Variants in SYNM observed in about 807,000 individuals in gnomAD.
SYNM encodes the protein desmuslin.
Under a neutral mutation model 104.0 loss-of-function variants are expected in SYNM, and 95 were observed. The observed-to-expected ratio is 0.91, with a 90% confidence interval of 0.77 to 1.08. The LOEUF (loss-of-function observed/expected upper bound fraction) is 1.08, where lower values mean the gene tolerates loss of function less well. SYNM is among the 50% of genes least tolerant of loss of function. The pLI is 0.00. For synonymous variants in SYNM, 918 were observed against 869.0 expected, an observed-to-expected ratio of 1.06 and a Z score of -0.99; for missense variants, 2,150 against 2,052.2, an observed-to-expected ratio of 1.05 and a Z score of -0.92.
At position 99,129,845 on chromosome 15, in the gene SYNM, T is replaced by A; in HGVS notation, c.1485T>A (p.Ile495=). The change falls in exon 4 of 4, where the codon ATT becomes ATA. Residue 495 remains isoleucine, a synonymous_variant. Transcript: ENST00000336292. ...ESTRSNERTV[I]LGKKTEVKAT... is the part of the protein sequence containing the mutation. ...CACGGTCAAATGAGAGGACCGTCAT[T>A]CTGGGAAAGAAAACAGAAGTGAAAG... 1 of 1,613,388 alleles carries A rather than the reference T, an allele frequency of 6.2e-7. No homozygotes were observed. The highest frequency in any genetic ancestry group is 2.2e-5 in the East Asian group (1 of 44,862).
rs201246890 is a variant in SYNM at position 99,105,335 on chromosome 15, C to T, written c.136C>T (p.Arg46Trp). The T allele has an allele frequency of 4.7e-4, 730 of 1,540,014 alleles. 1 individual carries two copies. The highest frequency in any genetic ancestry group is 6.3e-4 in the Non-Finnish European group (716 of 1,145,574). The change falls in exon 1 of 4, where the codon CGG becomes TGG. Residue 46 changes from arginine to tryptophan, a missense_variant. By Grantham distance (101) the Arg-to-Trp change is moderately radical. Transcript: ENST00000336292. ...NLLLEEELRG[R>W]RGREGLWAEG... Reference sequence around the variant, plus strand: ...ACTCCTGGAGGAGGAGCTGCGCGGCCGGCGCGGGCGAGAGGGCCTGTGGGC... The same window carrying T: ...ACTCCTGGAGGAGGAGCTGCGCGGCTGGCGCGGGCGAGAGGGCCTGTGGGC...
Position 99,129,987 on chromosome 15 carries a change from A to G in SYNM, c.1627A>G (p.Thr543Ala). 1.2e-6 allele frequency: 2 copies of G among 1,612,632 alleles called. No homozygotes were observed. Among genetic ancestry groups the G allele is most frequent in the Non-Finnish European group, 1.7e-6 (2 of 1,179,234 alleles). ...GAGAAACCTAAGATGGGAAGAATTG[A>G]CAAAGTTAGATAAGGAAGCGAGACA... ...EERNLRWEEL[T>A]KLDKEARQRE... Residue 543 changes from threonine (T) to alanine (A), a missense_variant, in exon 4 of 4, where the codon ACA becomes GCA. Physicochemically the swap from Thr to Ala is moderately conservative, Grantham distance 58. Coordinates refer to ENST00000336292, the MANE Select transcript of SYNM (RefSeq NM_145728.3).
chr15:99,131,537 G>A lies in SYNM; in HGVS notation c.3177G>A (p.Pro1059=), dbSNP rs782570799. 2.7e-5 allele frequency: 43 copies of A among 1,608,210 alleles called. No homozygotes were observed. Among genetic ancestry groups the A allele is most frequent in the Non-Finnish European group, 3.3e-5 (39 of 1,179,692 alleles). ...SPDEEGGAEA[P]AAGIRFRRWA... ...ATGAGGAAGGTGGAGCGGAGGCCCC[G>A]GCTGCTGGCATTCGCTTTAGGCGTT... Residue 1059 remains proline (P), a synonymous_variant, in exon 4 of 4, where the codon CCG becomes CCA. Coordinates refer to ENST00000336292, the MANE Select transcript of SYNM (RefSeq NM_145728.3). The surrounding 1 kb of genome is among the most constrained non-coding windows in gnomAD (Gnocchi z 4.3).
Position 99,105,753 on chromosome 15 carries a change from A to G in SYNM, c.554A>G (p.Asp185Gly), listed in dbSNP as rs2067230943. Residue 185 changes from aspartate to glycine, a missense_variant, in exon 1 of 4, where the codon GAC (aspartate) becomes GGC (glycine). Asp to Gly is a moderately conservative substitution (Grantham distance 94). Coordinates refer to ENST00000336292, the MANE Select transcript of SYNM (RefSeq NM_145728.3). ...CCGCCACGCCTGCGGGAGGTGCACG[A>G]CAGCTACGCACTGCTGGTGGCCGAG... ...APPPRLREVH[D>G]SYALLVAESW... 6.5e-7 allele frequency: 1 copy of G among 1,532,068 alleles called. No individual in the cohort carries two copies. The highest frequency in any genetic ancestry group is 2.5e-5 in the East Asian group (1 of 39,272). 94.9% of individuals were successfully genotyped at this position (1,532,068 alleles called of 1,614,324 possible).
intron 2 of SYNM, among the ~76,000 whole-genome samples, chr15:99,124,322 A>G (rs1428564557): frequency 2.6e-5 from 4 of 152,248 alleles, no homozygotes; most frequent in African/African-American, 9.6e-5. Flanking sequence ...TTCGCCGTGT[A>G]GTCCTGGGGC....
At chr15:99,111,074 T>A (rs782210715) in intron 1 of SYNM, among the ~76,000 whole-genome samples, 4 of 152,262 alleles carry the variant, frequency 2.6e-5, no homozygotes, top group Non-Finnish European at 4.4e-5. Flanking sequence ...ACTGTACTTA[T>A]TCCAACTTCA....
intron 2 of SYNM, among the ~76,000 whole-genome samples, chr15:99,121,975 T>G (rs2067405847): frequency 6.6e-6 from 1 of 152,206 alleles, no homozygotes; most frequent in African/African-American, 2.4e-5. Flanking sequence ...TGTTCTAAAT[T>G]TCACCTGAAA....
chr15:99,133,047 C>G lies in SYNM; in HGVS notation c.4687C>G (p.His1563Asp). 1 of 1,613,406 alleles carries G rather than the reference C, an allele frequency of 6.2e-7. No individual in the cohort carries two copies. The highest frequency in any genetic ancestry group is 8.5e-7 in the Non-Finnish European group (1 of 1,179,872). ...LDNEEEENDGHWF is the reference protein window; with the variant it reads ...LDNEEEENDGDWF ...CAATGAGGAGGAGGAGAATGATGGG[C>G]ATTGGTTTTAATAAGCAGAAACATT... The change falls in exon 4 of 4, where the codon CAT (histidine) becomes GAT (aspartate). Residue 1563 changes from histidine to aspartate, a missense_variant. Coordinates refer to ENST00000336292, the MANE Select transcript of SYNM (RefSeq NM_145728.3).
chr15:99,132,786 A>G lies in SYNM; in HGVS notation c.4426A>G (p.Thr1476Ala), dbSNP rs371723962. Residue 1476 changes from threonine (T) to alanine (A), a missense_variant, in exon 4 of 4, where the codon ACA (threonine) becomes GCA (alanine). Physicochemically the swap from Thr to Ala is moderately conservative, Grantham distance 58. Transcript: ENST00000336292. ...VSNVEAIRSRTQEAGALGVSD... is the reference protein window; with the variant it reads ...VSNVEAIRSRAQEAGALGVSD... ...TAACGTAGAGGCGATCCGCAGCCGG[A>G]CACAGGAAGCGGGAGCTCTCGGTGT... is the stretch of plus-strand genomic sequence containing the variant. 3.1e-6 allele frequency: 5 copies of G among 1,613,846 alleles called. No individual in the cohort carries two copies. In the African/African-American group the frequency reaches 5.3e-5, roughly 17 times the overall value.
intron 1 of SYNM, among the ~76,000 whole-genome samples, chr15:99,112,008 C>A (rs1019709233): frequency 6.6e-6 from 1 of 152,260 alleles, no homozygotes; most frequent in Non-Finnish European, 1.5e-5. Context: ...GAGATTGTGC[C>A]ATTGCACTCC....
At position 99,120,264 on chromosome 15, in the gene SYNM, C is replaced by T. The variant is rs549637771; in HGVS notation, c.936-6458C>T. On this transcript the variant is annotated intron_variant, in intron 2 of 3. Transcript: ENST00000336292. ...TGATGGTGTGGACCTAGTCCCTGTC[C>T]TCAGTGGTAGGATGATGATGTGTCG... is the stretch of plus-strand genomic sequence containing the variant. Among the ~76,000 whole-genome samples the T allele has an allele frequency of 9.2e-5, 14 of 152,298 alleles. No individual in the cohort carries two copies. In the East Asian group the frequency reaches 2.3e-3, roughly 25 times the overall value.
Position 99,131,537 on chromosome 15 carries a change from G to C in SYNM, c.3177G>C (p.Pro1059=). ...SPDEEGGAEA[P]AAGIRFRRWA... is the part of the protein sequence containing the mutation. ...ATGAGGAAGGTGGAGCGGAGGCCCC[G>C]GCTGCTGGCATTCGCTTTAGGCGTT... Residue 1059 remains proline (P), a synonymous_variant, in exon 4 of 4, where the codon CCG becomes CCC. Coordinates refer to ENST00000336292, the MANE Select transcript of SYNM (RefSeq NM_145728.3). The surrounding 1 kb of genome is among the most constrained non-coding windows in gnomAD (Gnocchi z 4.3). The C allele has an allele frequency of 6.2e-7, 1 of 1,608,210 alleles. No homozygotes were observed. The highest frequency in any genetic ancestry group is 8.5e-7 in the Non-Finnish European group (1 of 1,179,692).
chr15:99,118,075 C>G (rs1555484133), intron 2 of SYNM, among the ~76,000 whole-genome samples: 2 of 152,218 alleles, frequency 1.3e-5, no homozygotes, highest in Non-Finnish European at 2.9e-5. Flanking sequence ...GCTGCAGACT[C>G]CCAGCCCTGC....
At chr15:99,115,193 T>C (rs2067336201) in intron 2 of SYNM, among the ~76,000 whole-genome samples, 1 of 152,154 alleles carries the variant, frequency 6.6e-6, no homozygotes, top group African/African-American at 2.4e-5. Flanking sequence ...TTGTGGAACA[T>C]GTGGCAGTGG....
At chr15:99,114,606 A>G (rs1453059859) in intron 2 of SYNM, among the ~76,000 whole-genome samples, 1 of 152,082 alleles carries the variant, frequency 6.6e-6, no homozygotes, top group Admixed American at 6.5e-5. Context: ...ATGTAGGCCA[A>G]CTGGCTTTAT....
intron 2 of SYNM, among the ~76,000 whole-genome samples, chr15:99,118,614 A>C (rs886375049): frequency 4.6e-5 from 7 of 152,242 alleles, no homozygotes; most frequent in Admixed American, 3.9e-4. Flanking sequence ...GTCACAGGGA[A>C]GGAGCAACAT....
chr15:99,130,603 T>C lies in SYNM; in HGVS notation c.2243T>C (p.Ile748Thr), dbSNP rs1348282171. The C allele has an allele frequency of 4.3e-6, 7 of 1,613,310 alleles. No individual in the cohort carries two copies. In the African/African-American group the frequency reaches 8.0e-5, roughly 18 times the overall value. ...EGRAKVVNVE[I>T]VEEPVSYVSG... ...AGAGCAAAGGTCGTCAACGTGGAGA[T>C]CGTGGAGGAGCCCGTGAGTTATGTC... is the stretch of plus-strand genomic sequence containing the variant. Residue 748 changes from isoleucine to threonine, a missense_variant, in exon 4 of 4, where the codon ATC becomes ACC. Coordinates refer to ENST00000336292, the MANE Select transcript of SYNM (RefSeq NM_145728.3).
At chr15:99,138,138 G>C (rs1555488141), downstream of SYNM, 1 of 1,611,904 alleles carries the variant, frequency 6.2e-7, no homozygotes, top group African/African-American at 1.3e-5. Context: ...CTGCAGACAA[G>C]CAGAGGGTGG....
chr15:99,128,385 G>T (rs1312121683), intron 3 of SYNM, among the ~76,000 whole-genome samples: 1 of 152,176 alleles, frequency 6.6e-6, no homozygotes, highest in African/African-American at 2.4e-5. Context: ...ATTGCCTGGG[G>T]GTTCATCTTC....
Sources: allele counts gnomAD v4.1 joint callset (sites outside exome capture counted in the v4.1 genomes callset), GRCh38; gene constraint gnomAD v4.1.1; non-coding constraint Gnocchi (gnomAD v3.1); transcripts MANE v1.5; gene names NCBI Gene and HGNC (gene_info 2026-07-23, HGNC 2026-07-21).